The following FHIP1A variants were observed in gnomAD, a reference collection of about 807,000 sequenced individuals.
FHIP1A encodes the protein FHF complex subunit HOOK interacting protein 1A, also known as FHF complex subunit HOOK-interacting protein 1A.
FHIP1A carries 61 observed loss-of-function variants against 88.6 expected under a neutral mutation model. That is an observed-to-expected ratio of 0.69 (90% CI 0.56 to 0.85). FHIP1A has a LOEUF of 0.85. FHIP1A is among the 40% of genes least tolerant of loss of function. The pLI is 0.00. For synonymous variants in FHIP1A, 478 were observed against 496.0 expected, an observed-to-expected ratio of 0.96 and a Z score of 0.48; for missense variants, 1,154 against 1,273.5, an observed-to-expected ratio of 0.91 and a Z score of 1.43.
intron 3 of FHIP1A, among the ~76,000 whole-genome samples, chr4:151,528,260 C>A (rs929100245): frequency 1.7e-4 from 26 of 152,194 alleles, no homozygotes; most frequent in African/African-American, 5.3e-4. Context: ...GTTTCACTCC[C>A]AGCTTTGATT....
At chr4:151,568,445 C>T (rs1477027704) in intron 4 of FHIP1A, among the ~76,000 whole-genome samples, 2 of 152,142 alleles carry the variant, frequency 1.3e-5, no homozygotes, top group African/African-American at 2.4e-5. Flanking sequence ...CTGGAAAATG[C>T]TCTCAGTCTC....
At chr4:151,526,025 T>G (rs1310161463) in intron 3 of FHIP1A, among the ~76,000 whole-genome samples, 1 of 152,120 alleles carries the variant, frequency 6.6e-6, no homozygotes, top group Non-Finnish European at 1.5e-5. Context: ...CTTAATCCAT[T>G]CAACCCTGAG....
At chr4:151,451,185 G>A (rs1338717199) in intron 1 of FHIP1A, among the ~76,000 whole-genome samples, 2 of 151,746 alleles carry the variant, frequency 1.3e-5, no homozygotes, top group Non-Finnish European at 2.9e-5. Context: ...TAGTTTTTGG[G>A]GGTTTTCATC....
intron 3 of FHIP1A, among the ~76,000 whole-genome samples, chr4:151,495,567 TTG>T (rs1195115432): frequency 2.6e-5 from 4 of 151,760 alleles, no homozygotes; most frequent in African/African-American, 4.8e-5. Context: ...TAAAAGTGGT[TTG>T]TCTCTCATGT....
intron 7 of FHIP1A, among the ~76,000 whole-genome samples, chr4:151,614,717 C>A (rs945202034): frequency 3.3e-5 from 5 of 152,022 alleles, no homozygotes; most frequent in Admixed American, 6.6e-5. Flanking sequence ...CTGTATATGA[C>A]CCAGGTTTGA....
intron 2 of FHIP1A, among the ~76,000 whole-genome samples, chr4:151,472,997 TC>T (rs1451907832): frequency 6.6e-6 from 1 of 152,148 alleles, no homozygotes; most frequent in Non-Finnish European, 1.5e-5. Context: ...ATTTCACCTT[TC>T]TCCCTTCCAA....
At chr4:151,611,401 A>G (rs1448420299) in intron 7 of FHIP1A, among the ~76,000 whole-genome samples, 2 of 152,208 alleles carry the variant, frequency 1.3e-5, no homozygotes, top group African/African-American at 4.8e-5. Flanking sequence ...ACCAAAAAAT[A>G]TTTCTGAAGA....
Position 151,588,893 on chromosome 4 carries a change from TTTGGTACCAGTC to T in FHIP1A, c.950_961del (p.Val317_Leu320del), listed in dbSNP as rs1734319567. 1 of 1,551,358 alleles carries T rather than the reference TTTGGTACCAGTC, an allele frequency of 6.4e-7. No homozygotes were observed. On this transcript the variant is annotated inframe_deletion, in exon 7 of 14. Coordinates refer to ENST00000435205, the MANE Select transcript of FHIP1A (RefSeq NM_001109977.3). ...TTGTCAATTACATTTACAATGGATT[TTTGGTACCAGTC>T]TTGGCTCCTGCTCTCCATAAGGTCA...
chr4:151,424,781 A>G (rs1284557983), intron 1 of FHIP1A, among the ~76,000 whole-genome samples: 3 of 150,506 alleles, frequency 2.0e-5, no homozygotes, highest in African/African-American at 7.4e-5. Flanking sequence ...ACTAGATGCT[A>G]TCAAGCATTT....
intron 3 of FHIP1A, among the ~76,000 whole-genome samples, chr4:151,543,812 A>T (rs762712952): frequency 2.0e-5 from 3 of 152,208 alleles, no homozygotes; most frequent in Non-Finnish European, 4.4e-5. Context: ...AATTTTTTAT[A>T]ACTAGAAACA....
intron 3 of FHIP1A, among the ~76,000 whole-genome samples, chr4:151,486,191 G>T (rs967834010): frequency 6.6e-6 from 1 of 152,150 alleles, no homozygotes; most frequent in Non-Finnish European, 1.5e-5. Flanking sequence ...CCTGCTTGGT[G>T]GCTTGGTTCC....
chr4:151,558,934 A>C (rs1733062732), intron 3 of FHIP1A, among the ~76,000 whole-genome samples: 1 of 152,228 alleles, frequency 6.6e-6, no homozygotes, highest in Non-Finnish European at 1.5e-5. Flanking sequence ...ACCACTTAAA[A>C]AGTGCTTCTG....
chr4:151,413,109 C>T (rs565485129), intron 1 of FHIP1A, among the ~76,000 whole-genome samples: 1 of 152,236 alleles, frequency 6.6e-6, no homozygotes, highest in African/African-American at 2.4e-5. Context: ...TCTGTATAGC[C>T]TTGGCATCTC....
chr4:151,551,137 G>A (rs915745100), intron 3 of FHIP1A, among the ~76,000 whole-genome samples: 5 of 152,180 alleles, frequency 3.3e-5, no homozygotes, highest in Non-Finnish European at 7.3e-5. Context: ...AGGGGAACCT[G>A]AGGGCATCCA....
At chr4:151,538,202 C>T (rs1732142643) in intron 3 of FHIP1A, among the ~76,000 whole-genome samples, 1 of 152,136 alleles carries the variant, frequency 6.6e-6, no homozygotes, top group Non-Finnish European at 1.5e-5. Flanking sequence ...CCTGGCTCTT[C>T]CCCTTACTAG....
chr4:151,447,742 G>A (rs1424026074), intron 1 of FHIP1A, among the ~76,000 whole-genome samples: 1 of 152,128 alleles, frequency 6.6e-6, no homozygotes, highest in African/African-American at 2.4e-5. Context: ...CCCTTCATTT[G>A]ATACAAGTGG....
chr4:151,565,893 G>A (rs1162192813), intron 3 of FHIP1A, among the ~76,000 whole-genome samples: 2 of 152,004 alleles, frequency 1.3e-5, no homozygotes, highest in Non-Finnish European at 2.9e-5. Context: ...GGTTGTAGTG[G>A]AGAGAAGAAA....
chr4:151,577,963 C>T lies in FHIP1A; in HGVS notation c.619C>T (p.Arg207Ter), dbSNP rs1255219976. 1.2e-5 allele frequency: 18 copies of T among 1,551,384 alleles called. No individual in the cohort carries two copies. The highest frequency in any genetic ancestry group is 1.5e-5 in the Non-Finnish European group (17 of 1,146,938). ...CTCCCTTCTGATTCCCTTCATTCAC[C>T]GAGAGGGGTCAGTAGGCCAGCAAGC... ...IFSLLIPFIHREGSVGQQARD... is the reference protein window; with the variant it reads ...IFSLLIPFIH The change falls in exon 5 of 14, where the codon CGA becomes TGA. Residue 207 changes from arginine (R) to a stop codon, truncating the protein, a stop_gained. Transcript: ENST00000435205. LOFTEE classifies it high-confidence loss of function.
rs78523608 is a variant in FHIP1A at position 151,647,525 on chromosome 4, T to G, written c.1417+777T>G. ...CATTCTGTCCACCCAGCTATAATTT[T>G]CTTAGGTAAAGTGTATTTAAAAGCT... On this transcript the variant is annotated intron_variant, in intron 10 of 13. Transcript: ENST00000435205. Among the ~76,000 whole-genome samples, 154 of 152,338 alleles carry G rather than the reference T, an allele frequency of 1.0e-3. 5 individuals carry two copies. In the East Asian group the frequency reaches 0.014, roughly 14 times the overall value.
Sources: gnomAD v4.1 joint callset for allele counts (sites outside exome capture counted in the v4.1 genomes callset) on GRCh38, gnomAD v4.1.1 for gene constraint, MANE v1.5 for transcripts, NCBI Gene and HGNC (gene_info 2026-07-23, HGNC 2026-07-21) for gene names.